The following CKB variants were observed in gnomAD, a reference collection of about 807,000 sequenced individuals.
CKB encodes creatine kinase B.
Under a neutral mutation model 36.9 loss-of-function variants are expected in CKB, and 15 were observed. The ratio of observed to expected loss-of-function variants is 0.41; its 90% CI spans 0.27 to 0.63. CKB has a LOEUF of 0.63. Among genes scored for constraint, CKB ranks in the 20% least tolerant of loss-of-function variants. CKB has a pLI of 0.34. For missense variants in CKB, 413 were observed against 534.9 expected, an observed-to-expected ratio of 0.77 and a Z score of 2.25; for synonymous variants, 250 against 228.2, an observed-to-expected ratio of 1.10 and a Z score of -0.86.
Position 103,522,544 on chromosome 14 carries a change from G to T in CKB, c.-12-39C>A. 2 of 1,457,158 alleles carry T rather than the reference G, an allele frequency of 1.4e-6. No homozygotes were observed. Among genetic ancestry groups the T allele is most frequent in the Non-Finnish European group, 1.8e-6 (2 of 1,104,952 alleles). The allele number at this position is 1,457,158 out of a possible 1,614,324, so 90.3% of individuals were successfully genotyped here. On this transcript the variant is annotated intron_variant, in intron 1 of 7. Transcript: ENST00000348956. This position sits in a 1 kb window ranked among gnomAD's most constrained non-coding sequence, Gnocchi z 6.7. ...CGGGGTCAGAGGGGACCGGCACGCC[G>T]GGGTTCCCGGGCTCCCGCGTACCAC...
chr14:103,521,657 G>T, intron 4 of CKB, 161 bp downstream of exon 4: 2 of 1,015,454 alleles, frequency 2.0e-6, no homozygotes, highest in Non-Finnish European at 1.3e-6. Flanking sequence ...CGCGGGGCTG[G>T]GCCTCCGTCC....
chr14:103,520,286 T>A lies in CKB; in HGVS notation c.803A>T (p.Asp268Val). Residue 268 changes from aspartate (D) to valine (V), a missense_variant, in exon 7 of 8, where the codon GAC becomes GTC. Around this residue, in one of 3 missense-constraint regions of CKB, gnomAD observed 314 missense variants for 409.4 expected, o/e 0.77. Transcript: ENST00000348956. Reference protein sequence around the residue: ...TQIETLFKSKDYEFMWNPHLG... With the variant: ...TQIETLFKSKVYEFMWNPHLG... ...GTGAGGGTTCCACATGAACTCATAGTCCTTAGACTTGAAGAGAGTTTCAAT... is the reference window on the plus strand; with the variant it reads ...GTGAGGGTTCCACATGAACTCATAGACCTTAGACTTGAAGAGAGTTTCAAT... The A allele has an allele frequency of 1.2e-6, 2 of 1,610,740 alleles. No individual in the cohort carries two copies. Among genetic ancestry groups the A allele is most frequent in the Non-Finnish European group, 1.7e-6 (2 of 1,178,594 alleles).
In CKB at chr14:103,522,107, G is replaced by A. The variant is rs554505475; in HGVS notation, c.264C>T (p.Leu88=). 1.1e-5 allele frequency: 18 copies of A among 1,589,632 alleles called. No homozygotes were observed. Among genetic ancestry groups the A allele is most frequent in the African/African-American group, 9.4e-5 (7 of 74,566 alleles). The stretch of plus-strand genomic sequence containing the variant: ...GCCGGTCCTCGATGATGGGGTCGAA[G>A]AGATCCTTGAACACTTCGTAGGACT... The part of the protein sequence containing the change: ...DEESYEVFKD[L]FDPIIEDRHG... Residue 88 remains leucine (L), a synonymous_variant, in exon 3 of 8, where the codon CTC becomes CTT. Coordinates refer to ENST00000348956, the MANE Select transcript of CKB (RefSeq NM_001823.5). The surrounding 1 kb of genome is among the most constrained non-coding windows in gnomAD (Gnocchi z 6.7).
chr14:103,522,293 T>C lies in CKB; in HGVS notation c.193+8A>G. 1 of 1,592,178 alleles carries C rather than the reference T, an allele frequency of 6.3e-7. No homozygotes were observed. The highest frequency in any genetic ancestry group is 8.5e-7 in the Non-Finnish European group (1 of 1,173,946). On this transcript the variant is annotated splice_region_variant and intron_variant, in intron 2 of 7. Coordinates refer to ENST00000348956, the MANE Select transcript of CKB (RefSeq NM_001823.5). The surrounding 1 kb of genome is among the most constrained non-coding windows in gnomAD (Gnocchi z 6.7). ...GGGCCGGGACCCCGGCCCCGAGGGG[T>C]CGCGTACCCGGGTTGTCCACGCCTG... is the stretch of plus-strand genomic sequence containing the variant.
chr14:103,520,699 G>A (rs2075894016), intron 5 of CKB, 107 bp from the exon 6 acceptor site: 2 of 1,423,866 alleles, frequency 1.4e-6, no homozygotes, highest in Non-Finnish European at 9.3e-7. Flanking sequence ...CCATGCCCAG[G>A]AGTGGAGGCT....
At position 103,520,317 on chromosome 14, in the gene CKB, G is replaced by C. The variant is rs769357646; in HGVS notation, c.778-6C>G. The C allele has an allele frequency of 6.2e-7, 1 of 1,601,650 alleles. No individual in the cohort carries two copies. Among genetic ancestry groups the C allele is most frequent in the African/African-American group, 1.3e-5 (1 of 74,744 alleles). ...GACTTGAAGAGAGTTTCAATCTGCAGACGGAGAAGAGGGTATGAGGGAGAA... is the reference window on the plus strand; with the variant it reads ...GACTTGAAGAGAGTTTCAATCTGCACACGGAGAAGAGGGTATGAGGGAGAA... On this transcript the variant is annotated splice_polypyrimidine_tract_variant and splice_region_variant and intron_variant, in intron 6 of 7. Transcript: ENST00000348956.
Position 103,520,640 on chromosome 14 carries a change from C to T in CKB, c.654-48G>A, listed in dbSNP as rs757292875. On this transcript the variant is annotated intron_variant, in intron 5 of 7. Coordinates refer to ENST00000348956, the MANE Select transcript of CKB (RefSeq NM_001823.5). ...GCATACCCAGAAAAAAGCCCCAGGC[C>T]GCCCCCAGACCAAAGGAACTTCCCA... The T allele has an allele frequency of 1.9e-6, 3 of 1,570,986 alleles. No individual in the cohort carries two copies. The African/African-American group carries it at 4.0e-5, about 21-fold the overall frequency.
Position 103,519,854 on chromosome 14 carries a change from G to T in CKB, c.*10C>A. On this transcript the variant is annotated 3_prime_UTR_variant, in exon 8 of 8. Transcript: ENST00000348956. ...AAGCAGCAGGGCTGGTGTCGGGTGT[G>T]GGCCGGGCTTCATTTCTGGGCAGGC... 6.3e-7 allele frequency: 1 copy of T among 1,594,286 alleles called. No individual in the cohort carries two copies.
chr14:103,521,616 C>T, intron 4 of CKB, 182 bp from the exon 5 acceptor site: 3 of 910,768 alleles, frequency 3.3e-6, no homozygotes, highest in African/African-American at 1.8e-5. Flanking sequence ...GCGCCAGGAC[C>T]CGCCCTCCCT....
In CKB at chr14:103,521,882, G is replaced by A; in HGVS notation, c.417C>T (p.Gly139=). Residue 139 remains glycine (G), a synonymous_variant, in exon 4 of 8, where the codon GGC becomes GGT. Transcript: ENST00000348956. ...GGCTGCAGTGCGGGGGGAGGCAGAA[G>A]CCACGGATGCTGCGGCCCGTGCGCA... ...SRVRTGRSIR[G]FCLPPHCSRG... 6.4e-7 allele frequency: 1 copy of A among 1,568,288 alleles called. No homozygotes were observed. The highest frequency in any genetic ancestry group is 8.6e-7 in the Non-Finnish European group (1 of 1,167,250).
Position 103,522,036 on chromosome 14 carries a change from G to A in CKB, c.335C>T (p.Pro112Leu). 6.4e-7 allele frequency: 1 copy of A among 1,550,762 alleles called. No individual in the cohort carries two copies. Among genetic ancestry groups the A allele is most frequent in the Non-Finnish European group, 8.7e-7 (1 of 1,147,678 alleles). Residue 112 changes from proline (P) to leucine (L), a missense_variant, in exon 3 of 8, where the codon CCC (proline) becomes CTC (leucine). Pro to Leu is a moderately conservative substitution (Grantham distance 98). Transcript: ENST00000348956. The surrounding 1 kb of genome is among the most constrained non-coding windows in gnomAD (Gnocchi z 6.7). ...PSDEHKTDLN[P>L]DNLQGGDDLD... is the part of the protein sequence containing the mutation. ...GCAGCCCCGCACCTGCAGGTTGTCG[G>A]GGTTGAGGTCGGTCTTGTGCTCATC...
At chr14:103,521,481 C>G (rs767133418) in intron 4 of CKB, 47 bp from the exon 5 acceptor site, 1 of 1,446,904 alleles carries the variant, frequency 6.9e-7, no homozygotes, top group Non-Finnish European at 9.0e-7. Flanking sequence ...CCCGCCCCTC[C>G]AGCCCGCAGC....
intron 5 of CKB, chr14:103,520,989 C>T (rs1292524695): frequency 6.8e-6 from 4 of 592,404 alleles, no homozygotes; most frequent in Non-Finnish European, 1.2e-5. Context: ...GCCAGAGAGC[C>T]CCGCCCCCAC....
At chr14:103,520,672 T>C in intron 5 of CKB, 80 bp from the exon 6 acceptor site, 4 of 1,500,230 alleles carry the variant, frequency 2.7e-6, no homozygotes, top group Non-Finnish European at 3.6e-6. Context: ...CCCAAGTCCC[T>C]GAGGTGCTGC....
In CKB at chr14:103,521,432, G is replaced by C; in HGVS notation, c.484C>G (p.Leu162Val). Residue 162 changes from leucine to valine, a missense_variant and splice_region_variant, in exon 5 of 8, where the codon CTG (leucine) becomes GTG (valine). Leu to Val is a conservative substitution (Grantham distance 32). Around this residue, in one of 3 missense-constraint regions of CKB, gnomAD observed 314 missense variants for 409.4 expected, o/e 0.77. Coordinates refer to ENST00000348956, the MANE Select transcript of CKB (RefSeq NM_001823.5). ...RAIEKLAVEA[L>V]SSLDGDLAGR... ...GCCAGGTCGCCGTCCAGGCTGGACA[G>C]GGCTGCGAGGGGTGCGCTCAGGACG... The C allele has an allele frequency of 1.3e-6, 2 of 1,589,836 alleles. No individual in the cohort carries two copies. Among genetic ancestry groups the C allele is most frequent in the Non-Finnish European group, 1.7e-6 (2 of 1,174,904 alleles).
rs960640425 is a variant in CKB at position 103,522,734 on chromosome 14, C to G, written c.-13+32G>C. 6.6e-6 allele frequency: 1 copy of G among 150,442 alleles called. No homozygotes were observed. Among genetic ancestry groups the G allele is most frequent in the Non-Finnish European group, 1.5e-5 (1 of 68,142 alleles). The allele number at this position is 150,442 out of a possible 1,614,324, so 9.3% of individuals were successfully genotyped here. A position where few individuals can be genotyped will look rare whatever the true frequency, so the allele number is the denominator to read the frequency against. On this transcript the variant is annotated intron_variant, in intron 1 of 7. Transcript: ENST00000348956. This position sits in a 1 kb window ranked among gnomAD's most constrained non-coding sequence, Gnocchi z 6.7. ...TTGCACGCAGCGCCCCTAGCCCGGG[C>G]GCGGACGCCCCCGGCCCCCGGGCCC...
chr14:103,521,772 G>A (rs1255976583), intron 4 of CKB, 46 bp downstream of exon 4: 7 of 1,347,242 alleles, frequency 5.2e-6, no homozygotes, highest in African/African-American at 3.1e-5. Context: ...ACCGCGCCGG[G>A]AGGGGGACGC....
Position 103,519,727 on chromosome 14 carries a change from ACT to A in CKB, c.*135_*136del, listed in dbSNP as rs2075885448. 1 of 987,538 alleles carries A rather than the reference ACT, an allele frequency of 1.0e-6. No individual in the cohort carries two copies. The highest frequency in any genetic ancestry group is 1.5e-6 in the Non-Finnish European group (1 of 686,980). 61.2% of individuals were successfully genotyped at this position (987,538 alleles called of 1,614,324 possible). On this transcript the variant is annotated 3_prime_UTR_variant, in exon 8 of 8. Coordinates refer to ENST00000348956, the MANE Select transcript of CKB (RefSeq NM_001823.5). Reference sequence around the variant, plus strand: ...AGTATCTTAGCCATCAAAAAAATAAACTCTACCAAGGGTGACGGAAGTCTCTA... The same window carrying A: ...AGTATCTTAGCCATCAAAAAAATAAACTACCAAGGGTGACGGAAGTCTCTA...
chr14:103,519,672 G>A lies in CKB; in HGVS notation c.*192C>T, dbSNP rs2075885176. On this transcript the variant is annotated 3_prime_UTR_variant, in exon 8 of 8. Coordinates refer to ENST00000348956, the MANE Select transcript of CKB (RefSeq NM_001823.5). ...AGAGGCACCACTCAGACGCAGGCAG[G>A]CCAAAACCCTAGTTTATTTCAGCAT... is the stretch of plus-strand genomic sequence containing the variant. 1 of 631,892 alleles carries A rather than the reference G, an allele frequency of 1.6e-6. No individual in the cohort carries two copies. The allele number at this position is 631,892 out of a possible 1,614,324, so 39.1% of individuals were successfully genotyped here.
Sources: allele counts gnomAD v4.1 joint callset, GRCh38; gene constraint gnomAD v4.1.1; regional missense constraint gnomAD v4.1.1; non-coding constraint Gnocchi (gnomAD v3.1); transcripts MANE v1.5; gene names NCBI Gene and HGNC (gene_info 2026-07-23, HGNC 2026-07-21).